The following GLIS3 variants were observed in gnomAD, a reference collection of about 807,000 sequenced individuals.
GLIS3 encodes the protein zinc finger protein GLIS3.
A neutral mutation model predicts 78.6 loss-of-function variants in GLIS3; 53 were observed. The observed-to-expected ratio is 0.67, with a 90% CI of 0.54 to 0.85. The LOEUF (loss-of-function observed/expected upper bound fraction) is 0.85, where lower values mean the gene tolerates loss of function less well. GLIS3 is among the 40% of genes least tolerant of loss of function. The probability of loss-of-function intolerance (pLI) is 0.00; values close to 1 mark genes in which losing one functional copy is unlikely to be tolerated. For synonymous variants in GLIS3, 684 were observed against 509.9 expected, an observed-to-expected ratio of 1.34 and a Z score of -4.60; for missense variants, 1,703 against 1,231.1, an observed-to-expected ratio of 1.38 and a Z score of -5.74.
the GLIS3 span, among the ~76,000 whole-genome samples, chr9:4,378,461 T>C: frequency 6.6e-6 from 1 of 152,098 alleles, no homozygotes; most frequent in African/African-American, 2.4e-5. Context: ...CAGCTTTTCC[T>C]GACTCTGGGA....
chr9:4,060,639 C>G (rs1023230862), intron 4 of GLIS3, among the ~76,000 whole-genome samples: 1 of 152,102 alleles, frequency 6.6e-6, no homozygotes, highest in Admixed American at 6.6e-5. Flanking sequence ...CCAGGTGATA[C>G]CCTGTGTGCC....
At chr9:4,285,842 G>C (rs1827941483) in intron 2 of GLIS3, 196 bp downstream of exon 2, 5 of 654,672 alleles carry the variant, frequency 7.6e-6, no homozygotes, top group South Asian at 1.8e-5. Flanking sequence ...CTCATACTCA[G>C]CATTTACCAC....
chr9:4,046,848 G>A (rs1218602897), intron 4 of GLIS3, among the ~76,000 whole-genome samples: 2 of 152,180 alleles, frequency 1.3e-5, no homozygotes, highest in Non-Finnish European at 2.9e-5. Context: ...AAACTGAAGA[G>A]AGGCAATACT....
the GLIS3 span, among the ~76,000 whole-genome samples, chr9:4,390,383 T>C: frequency 2.0e-5 from 3 of 152,166 alleles, no homozygotes; most frequent in Non-Finnish European, 4.4e-5. Context: ...TTTTTTTTTT[T>C]TAAACAGGGT....
At chr9:3,969,041 A>G (rs938370046) in intron 4 of GLIS3, among the ~76,000 whole-genome samples, 2 of 152,226 alleles carry the variant, frequency 1.3e-5, no homozygotes, top group African/African-American at 4.8e-5. Flanking sequence ...TGTCAGGACC[A>G]ATGACTTGTC....
intron 2 of GLIS3, among the ~76,000 whole-genome samples, chr9:4,258,300 G>C (rs1825172793): frequency 6.6e-6 from 1 of 151,148 alleles, no homozygotes; most frequent in Non-Finnish European, 1.5e-5. Context: ...TCTGAATAAA[G>C]TCTACAGTTT....
chr9:4,394,265 CAT>C, the GLIS3 span, among the ~76,000 whole-genome samples: 1 of 150,748 alleles, frequency 6.6e-6, no homozygotes, highest in Non-Finnish European at 1.5e-5. Flanking sequence ...ATTATTATCT[CAT>C]AATTTTAAAA....
intron 2 of GLIS3, among the ~76,000 whole-genome samples, chr9:4,234,857 T>C (rs1822569744): frequency 6.6e-6 from 1 of 152,202 alleles, no homozygotes; most frequent in Admixed American, 6.5e-5. Context: ...TAGGTTTATC[T>C]GACTATGGAC....
At chr9:4,406,052 G>C in the GLIS3 span, among the ~76,000 whole-genome samples, 1 of 152,146 alleles carries the variant, frequency 6.6e-6, no homozygotes, top group Non-Finnish European at 1.5e-5. Context: ...ACTGGGTATA[G>C]AAGGAACATA....
At chr9:4,437,433 T>TATC in the GLIS3 span, among the ~76,000 whole-genome samples, 1 of 101,284 alleles carries the variant, frequency 9.9e-6, no homozygotes, top group Admixed American at 9.0e-5. Flanking sequence ...TCTATCTATC[T>TATC]ATCTATCTAT....
intron 2 of GLIS3, among the ~76,000 whole-genome samples, chr9:4,220,645 C>A (rs574997914): frequency 6.6e-6 from 1 of 151,900 alleles, no homozygotes; most frequent in South Asian, 2.1e-4. Flanking sequence ...GGAGTCCCAG[C>A]GACTCAGGAG....
intron 2 of GLIS3, among the ~76,000 whole-genome samples, chr9:4,152,509 T>C (rs1834758586): frequency 6.6e-6 from 1 of 152,182 alleles, no homozygotes; most frequent in South Asian, 2.1e-4. Flanking sequence ...TGAAGCAGAG[T>C]ATTTAACTTC....
At chr9:4,042,970 C>A (rs1285868704) in intron 4 of GLIS3, among the ~76,000 whole-genome samples, 1 of 148,544 alleles carries the variant, frequency 6.7e-6, no homozygotes, top group Non-Finnish European at 1.5e-5. Context: ...AAAAAAGGTA[C>A]AGTGAAAAAG....
chr9:4,334,857 C>T (rs781437188), intron 2 of GLIS3, among the ~76,000 whole-genome samples: 7 of 152,022 alleles, frequency 4.6e-5, no homozygotes, highest in Non-Finnish European at 1.0e-4. Context: ...CTCTCTTCAA[C>T]CCACAACTAC....
intron 4 of GLIS3, among the ~76,000 whole-genome samples, chr9:4,057,360 A>C (rs553719881): frequency 5.1e-4 from 78 of 152,312 alleles, no homozygotes; most frequent in Middle Eastern, 3.4e-3. Context: ...TTTATTTAGG[A>C]CTAAATTCTC....
At chr9:4,468,762 A>T in the GLIS3 span, among the ~76,000 whole-genome samples, 1 of 152,242 alleles carries the variant, frequency 6.6e-6, no homozygotes, top group East Asian at 1.9e-4. Context: ...CATCATAATG[A>T]CAGGATCAAA....
chr9:3,895,861 C>G (rs1002450459), intron 7 of GLIS3, among the ~76,000 whole-genome samples: 2 of 152,240 alleles, frequency 1.3e-5, no homozygotes, highest in African/African-American at 4.8e-5. Flanking sequence ...CCAAATTTAA[C>G]TGCCTCCTAT....
At chr9:3,973,374 C>A (rs1258456888) in intron 4 of GLIS3, among the ~76,000 whole-genome samples, 1 of 152,122 alleles carries the variant, frequency 6.6e-6, no homozygotes, top group African/African-American at 2.4e-5. Flanking sequence ...AGCCTCCACT[C>A]TAAATTATAT....
At chr9:4,248,438 C>T (rs1306144677) in intron 2 of GLIS3, among the ~76,000 whole-genome samples, 2 of 152,168 alleles carry the variant, frequency 1.3e-5, no homozygotes, top group Non-Finnish European at 2.9e-5. Flanking sequence ...TTTATGGCTG[C>T]ATAGTATTCC....
Sources: gnomAD v4.1 joint callset for allele counts (sites outside exome capture counted in the v4.1 genomes callset) on GRCh38, gnomAD v4.1.1 for gene constraint, MANE v1.5 for transcripts, NCBI Gene and HGNC (gene_info 2026-07-23, HGNC 2026-07-21) for gene names.